The following CNTNAP2 variants were observed in gnomAD, a reference collection of about 807,000 sequenced individuals.
CNTNAP2 encodes the protein contactin associated protein 2, also known as contactin-associated protein-like 2.
In CNTNAP2, 98 loss-of-function variants were observed where a neutral mutation model predicts 155.2. That is an observed-to-expected ratio of 0.63 (90% CI 0.54 to 0.75). The LOEUF (loss-of-function observed/expected upper bound fraction) is 0.75, where lower values mean the gene tolerates loss of function less well. Among genes scored for constraint, CNTNAP2 ranks in the 30% least tolerant of loss-of-function variants. CNTNAP2 has a pLI of 0.00. For missense variants in CNTNAP2, 1,727 were observed against 1,688.1 expected, an observed-to-expected ratio of 1.02 and a Z score of -0.40; for synonymous variants, 651 against 631.2, an observed-to-expected ratio of 1.03 and a Z score of -0.47.
At chr7:147,330,443 C>G (rs1795538974) in intron 9 of CNTNAP2, among the ~76,000 whole-genome samples, 1 of 152,044 alleles carries the variant, frequency 6.6e-6, no homozygotes, top group South Asian at 2.1e-4. Context: ...TTATTGAACC[C>G]TAGGAGAGGT....
Position 147,254,336 on chromosome 7 carries a change from AAC to A in CNTNAP2, c.1349-45801_1349-45800del, listed in dbSNP as rs534443291. On this transcript the variant is annotated intron_variant, in intron 8 of 23. Coordinates refer to ENST00000361727, the MANE Select transcript of CNTNAP2 (RefSeq NM_014141.6). ...TTTACAATTACATCAGAATGACAAA[AAC>A]ACAGTTTACAGGAGTTAGCACCTCC... 2.6e-5 allele frequency among the ~76,000 whole-genome samples: 4 copies of A among 152,318 alleles called. No homozygotes were observed. In the South Asian group the frequency reaches 8.3e-4, roughly 32 times the overall value.
intron 4 of CNTNAP2, among the ~76,000 whole-genome samples, chr7:147,068,469 C>T (rs184967560): frequency 6.6e-6 from 1 of 152,272 alleles, no homozygotes; most frequent in Non-Finnish European, 1.5e-5. Context: ...GCTGATTCTC[C>T]TGCCTCCACC....
At chr7:146,209,361 G>C (rs1798999634) in intron 1 of CNTNAP2, among the ~76,000 whole-genome samples, 1 of 152,212 alleles carries the variant, frequency 6.6e-6, no homozygotes, top group East Asian at 1.9e-4. Context: ...CTTAACTTTA[G>C]CCTCCTGAAT....
chr7:147,452,556 T>G (rs1797850671), intron 10 of CNTNAP2, among the ~76,000 whole-genome samples: 1 of 152,114 alleles, frequency 6.6e-6, no homozygotes, highest in Non-Finnish European at 1.5e-5. Context: ...GTAGTACTAA[T>G]AAAAAGTAAT....
At chr7:147,736,478 G>T (rs1023538285) in intron 13 of CNTNAP2, among the ~76,000 whole-genome samples, 1 of 152,062 alleles carries the variant, frequency 6.6e-6, no homozygotes, top group African/African-American at 2.4e-5. Context: ...TTCAACTTTG[G>T]TGAATCTGAC....
chr7:146,717,732 G>A (rs1410696263), intron 1 of CNTNAP2, among the ~76,000 whole-genome samples: 1 of 151,984 alleles, frequency 6.6e-6, no homozygotes, highest in Non-Finnish European at 1.5e-5. Flanking sequence ...CAAGACTGGG[G>A]AAATGGTAGA....
At chr7:146,214,209 A>G (rs533293992) in intron 1 of CNTNAP2, among the ~76,000 whole-genome samples, 1 of 152,356 alleles carries the variant, frequency 6.6e-6, no homozygotes, top group African/African-American at 2.4e-5. Flanking sequence ...CTACTTTTAT[A>G]CAAAATCCCT....
At chr7:148,190,448 G>GT (rs1262082688) in intron 18 of CNTNAP2, 1 of 152,152 alleles carries the variant, frequency 6.6e-6, no homozygotes, top group African/African-American at 2.4e-5. Context: ...ATGAATAATA[G>GT]TTTTTTGGTT....
chr7:147,169,436 C>A (rs1010730980), intron 8 of CNTNAP2, among the ~76,000 whole-genome samples: 1 of 152,120 alleles, frequency 6.6e-6, no homozygotes, highest in Non-Finnish European at 1.5e-5. Context: ...TCCCTCTTTC[C>A]CCTCTCTAGT....
intron 13 of CNTNAP2, among the ~76,000 whole-genome samples, chr7:147,750,067 G>A (rs1797109776): frequency 6.6e-6 from 1 of 152,118 alleles, no homozygotes; most frequent in African/African-American, 2.4e-5. Context: ...CATTATAAAG[G>A]AATGCCTTGA....
intron 1 of CNTNAP2, among the ~76,000 whole-genome samples, chr7:146,558,448 A>G (rs10225711): frequency 0.052 from 7,884 of 152,214 alleles, 571 homozygotes; most frequent in African/African-American, 0.16. Flanking sequence ...TTGACATATA[A>G]AAACTTTACA....
chr7:146,570,999 C>A (rs1161281342), intron 1 of CNTNAP2, among the ~76,000 whole-genome samples: 1 of 151,920 alleles, frequency 6.6e-6, no homozygotes, highest in African/African-American at 2.4e-5. Context: ...AGTGATGTTT[C>A]CAGATGTTTA....
intron 9 of CNTNAP2, among the ~76,000 whole-genome samples, chr7:147,319,800 A>C (rs1422510654): frequency 6.6e-6 from 1 of 152,214 alleles, no homozygotes; most frequent in Non-Finnish European, 1.5e-5. Context: ...TAATTATAGA[A>C]ATCCAACTTA....
intron 14 of CNTNAP2, among the ~76,000 whole-genome samples, chr7:147,925,188 A>AAGGAAGGAAGG (rs1192946440): frequency 3.6e-4 from 54 of 150,214 alleles, no homozygotes; most frequent in African/African-American, 1.2e-3. Context: ...GGAAGGAAGG[A>AAGGAAGGAAGG]AGGAAGGAAG....
chr7:147,794,737 G>GTTTTT (rs368387319), intron 13 of CNTNAP2, among the ~76,000 whole-genome samples: 11,116 of 148,800 alleles, frequency 0.075, 466 homozygotes, highest in East Asian at 0.19. Flanking sequence ...TTTATGGGTA[G>GTTTTT]TTTTTTTTTT....
chr7:147,453,333 TCTG>T (rs1213492480), intron 10 of CNTNAP2, among the ~76,000 whole-genome samples: 2 of 152,184 alleles, frequency 1.3e-5, no homozygotes, highest in Non-Finnish European at 2.9e-5. Context: ...CCCTATGACT[TCTG>T]CTGTCTCAGA....
chr7:147,629,850 T>C (rs1390961796), intron 12 of CNTNAP2, among the ~76,000 whole-genome samples: 4 of 152,010 alleles, frequency 2.6e-5, no homozygotes, highest in African/African-American at 9.7e-5. Context: ...ATTCATAGCA[T>C]TAAATGCCCT....
intron 10 of CNTNAP2, among the ~76,000 whole-genome samples, chr7:147,430,850 G>A (rs767248055): frequency 3.6e-4 from 55 of 152,112 alleles, no homozygotes; most frequent in Admixed American, 2.8e-3. Flanking sequence ...GGATCACGAG[G>A]TCAGGAGATC....
intron 1 of CNTNAP2, among the ~76,000 whole-genome samples, chr7:146,270,479 T>A (rs545827699): frequency 1.4e-4 from 22 of 152,306 alleles, no homozygotes; most frequent in African/African-American, 5.3e-4. Flanking sequence ...ATTTCATAAT[T>A]TTTCTGATTA....
Sources: gnomAD v4.1 joint callset for allele counts (sites outside exome capture counted in the v4.1 genomes callset) on GRCh38, gnomAD v4.1.1 for gene constraint, MANE v1.5 for transcripts, NCBI Gene and HGNC (gene_info 2026-07-23, HGNC 2026-07-21) for gene names.